The following PHKB variants were observed in gnomAD, a reference collection of about 807,000 sequenced individuals.
The protein encoded by PHKB is phosphorylase b kinase regulatory subunit beta.
Under a neutral mutation model 152.1 loss-of-function variants are expected in PHKB, and 122 were observed. The ratio of observed to expected loss-of-function variants is 0.80; its 90% CI spans 0.69 to 0.93. The LOEUF is 0.93. Among genes scored for constraint, PHKB ranks in the 40% least tolerant of loss-of-function variants. The pLI is 0.00. For synonymous variants in PHKB, 436 were observed against 464.9 expected (o/e 0.94, Z 0.80); for missense variants, 1,304 against 1,328.4 (o/e 0.98, Z 0.29).
At chr16:47,493,271 G>A (rs1204924583) in intron 1 of PHKB, among the ~76,000 whole-genome samples, 1 of 152,134 alleles carries the variant, frequency 6.6e-6, no homozygotes, top group Non-Finnish European at 1.5e-5. Context: ...AAGAGGAAGA[G>A]GAACAATTTC....
intron 1 of PHKB, among the ~76,000 whole-genome samples, chr16:47,481,158 A>C (rs565048617): frequency 2.6e-5 from 4 of 152,182 alleles, no homozygotes; most frequent in African/African-American, 9.6e-5. Flanking sequence ...AACTAGCTTT[A>C]GTTAGGCATG....
At chr16:47,515,872 T>TA (rs1449346480) in intron 6 of PHKB, among the ~76,000 whole-genome samples, 2 of 152,192 alleles carry the variant, frequency 1.3e-5, no homozygotes, top group East Asian at 3.9e-4. Context: ...ATGTAACTTT[T>TA]AAAAAATTTT....
At chr16:47,509,919 G>A (rs762613255) in intron 4 of PHKB, among the ~76,000 whole-genome samples, 5 of 152,116 alleles carry the variant, frequency 3.3e-5, no homozygotes, top group African/African-American at 4.8e-5. Flanking sequence ...CCCGGCTTCC[G>A]ACACCAATTG....
intron 16 of PHKB, among the ~76,000 whole-genome samples, chr16:47,647,693 T>TTCACCATGTTAGCCAGGGTGGTC (rs1567340420): frequency 1.3e-5 from 2 of 151,738 alleles, no homozygotes; most frequent in African/African-American, 2.4e-5. Context: ...GAGACGGGGT[T>TTCACCATGTTAGCCAGGGTGGTC]TCACCATGTT....
intron 14 of PHKB, among the ~76,000 whole-genome samples, chr16:47,636,667 C>T (rs1427079239): frequency 6.6e-6 from 1 of 152,226 alleles, no homozygotes; most frequent in African/African-American, 2.4e-5. Flanking sequence ...CTGCCTCAGC[C>T]CCCTCTGGGC....
chr16:47,477,653 G>A (rs1969891543), intron 1 of PHKB, among the ~76,000 whole-genome samples: 1 of 152,164 alleles, frequency 6.6e-6, no homozygotes. Flanking sequence ...ATGACGTGGT[G>A]AGGGCACTTT....
chr16:47,578,894 C>T, intron 7 of PHKB, among the ~76,000 whole-genome samples: 1 of 151,974 alleles, frequency 6.6e-6, no homozygotes, highest in Non-Finnish European at 1.5e-5. Context: ...TTTTGCTAGG[C>T]TGCTCTTCTC....
chr16:47,598,532 C>T (rs2151702860), intron 13 of PHKB: 1 of 636,234 alleles, frequency 1.6e-6, no homozygotes, highest in Non-Finnish European at 2.7e-6. Flanking sequence ...TAACACTCTC[C>T]TACATATTTT....
At chr16:47,627,794 T>C (rs1185212728) in intron 14 of PHKB, among the ~76,000 whole-genome samples, 1 of 152,202 alleles carries the variant, frequency 6.6e-6, no homozygotes, top group African/African-American at 2.4e-5. Context: ...TTTGGCTTGG[T>C]TGGAAATGTC....
intron 12 of PHKB, 48 bp from the exon 13 acceptor site, chr16:47,596,325 C>A (rs762380758): frequency 3.6e-5 from 46 of 1,290,248 alleles, no homozygotes; most frequent in Non-Finnish European, 5.0e-5. Flanking sequence ...TGAGAATGGA[C>A]TAATACAGAT....
At chr16:47,525,010 A>G (rs1970743419) in intron 6 of PHKB, among the ~76,000 whole-genome samples, 1 of 152,190 alleles carries the variant, frequency 6.6e-6, no homozygotes, top group Admixed American at 6.5e-5. Flanking sequence ...GTGGTATTGA[A>G]AAGTGGCTAT....
rs1484706650 is a variant in PHKB, at chr16:47,461,387, T to A, written c.37T>A (p.Trp13Arg). ...GGCGGGACTCACGGCAGAAGTGAGC[T>A]GGAAGGTCTTGGAGCGAAGAGCTCG... is the stretch of plus-strand genomic sequence containing the variant. The part of the protein sequence containing the change: ...GAAGLTAEVS[W>R]KVLERRARTK... Residue 13 changes from tryptophan to arginine, a missense_variant, in exon 1 of 31, where the codon TGG becomes AGG. Transcript: ENST00000323584. 3 of 1,612,932 alleles carry A rather than the reference T, an allele frequency of 1.9e-6. No individual in the cohort carries two copies. The South Asian group carries it at 3.3e-5, about 18-fold the overall frequency.
At chr16:47,561,075 GA>G (rs2151681696) in intron 7 of PHKB, among the ~76,000 whole-genome samples, 2 of 152,218 alleles carry the variant, frequency 1.3e-5, no homozygotes, top group South Asian at 4.2e-4. Context: ...CTTTTGCCAA[GA>G]AATTTACTTA....
intron 1 of PHKB, among the ~76,000 whole-genome samples, chr16:47,488,265 T>C (rs1231154031): frequency 6.6e-6 from 1 of 152,212 alleles, no homozygotes; most frequent in African/African-American, 2.4e-5. Flanking sequence ...TTCATGTCCT[T>C]TGCCCATTTT....
intron 4 of PHKB, among the ~76,000 whole-genome samples, chr16:47,507,833 C>CT (rs1381621368): frequency 3.9e-5 from 6 of 152,220 alleles, no homozygotes; most frequent in Admixed American, 2.6e-4. Flanking sequence ...CAAAGCCTCT[C>CT]ACCATACCTT....
chr16:47,469,661 C>G (rs1033907610), intron 1 of PHKB, among the ~76,000 whole-genome samples: 1 of 152,094 alleles, frequency 6.6e-6, no homozygotes, highest in Non-Finnish European at 1.5e-5. Context: ...GTTCTTTATT[C>G]ACTGCCTGAA....
At chr16:47,670,944 A>C (rs972583288) in intron 26 of PHKB, among the ~76,000 whole-genome samples, 1 of 152,108 alleles carries the variant, frequency 6.6e-6, no homozygotes, top group African/African-American at 2.4e-5. Flanking sequence ...ATGTGCCCAT[A>C]CTATCAGCCA....
chr16:47,650,239 TAAAC>T (rs1973210581), intron 18 of PHKB, among the ~76,000 whole-genome samples: 1 of 151,692 alleles, frequency 6.6e-6, no homozygotes, highest in South Asian at 2.1e-4. Flanking sequence ...TCTAAATAAA[TAAAC>T]AAATAAATAG....
chr16:47,567,708 A>G (rs900922347), intron 7 of PHKB, among the ~76,000 whole-genome samples: 5 of 152,054 alleles, frequency 3.3e-5, no homozygotes, highest in African/African-American at 9.7e-5. Flanking sequence ...TTTAAGGTAT[A>G]TTTCTTCTAT....
Sources: gnomAD v4.1 joint callset for allele counts (sites outside exome capture counted in the v4.1 genomes callset) on GRCh38, gnomAD v4.1.1 for gene constraint, MANE v1.5 for transcripts, NCBI Gene and HGNC (gene_info 2026-07-23, HGNC 2026-07-21) for gene names.